EHF: variants seen among roughly 807,000 people sequenced by gnomAD.
The protein encoded by EHF is ETS homologous factor.
Under a neutral mutation model 45.1 loss-of-function variants are expected in EHF, and 14 were observed. That is an observed-to-expected ratio of 0.31 (90% CI 0.21 to 0.49). The LOEUF (loss-of-function observed/expected upper bound fraction) is 0.49, where lower values mean the gene tolerates loss of function less well. Ranked by LOEUF, EHF falls within the 20% of genes least tolerant of loss-of-function variation. The pLI is 0.99. For synonymous variants in EHF, 136 were observed against 131.8 expected (o/e 1.03, Z -0.22); for missense variants, 282 against 371.4 (o/e 0.76, Z 1.98).
intron 1 of EHF, among the ~76,000 whole-genome samples, chr11:34,626,410 C>T (rs953453515): frequency 2.0e-5 from 3 of 152,126 alleles, no homozygotes; most frequent in Non-Finnish European, 2.9e-5. Context: ...TTCTTAGGAA[C>T]CTTAAAAAAA....
chr11:34,651,489 T>C (rs894220343), intron 4 of EHF, 53 bp from the exon 5 acceptor site: 59 of 1,502,968 alleles, frequency 3.9e-5, no homozygotes, highest in Non-Finnish European at 5.0e-5. Flanking sequence ...ACGCAGCCTC[T>C]TCTCCCTGGG....
At position 34,642,723 on chromosome 11, in the gene EHF, C is replaced by T. The variant is rs1257936321; in HGVS notation, c.93C>T (p.Cys31=). The change falls in exon 2 of 9, where the codon TGC becomes TGT. Residue 31 remains cysteine (C), a synonymous_variant. Coordinates refer to ENST00000257831, the MANE Select transcript of EHF (RefSeq NM_012153.6). The stretch of plus-strand genomic sequence containing the variant: ...CCTGGACAGACAGCTACTCCACGTG[C>T]AATGGTAAGAGGGCCTGTGGGTGTT... ...PPAWTDSYST[C]NVSSGFFGGQ... The T allele has an allele frequency of 6.2e-7, 1 of 1,613,202 alleles. No individual in the cohort carries two copies. Among genetic ancestry groups the T allele is most frequent in the Non-Finnish European group, 8.5e-7 (1 of 1,179,334 alleles).
intron 1 of EHF, among the ~76,000 whole-genome samples, chr11:34,628,532 T>A (rs1393360043): frequency 1.3e-5 from 2 of 152,188 alleles, no homozygotes; most frequent in Non-Finnish European, 2.9e-5. Flanking sequence ...TTGATAGATG[T>A]TCTCTGCCAA....
At chr11:34,641,653 A>C (rs757962183) in intron 1 of EHF, among the ~76,000 whole-genome samples, 2 of 152,178 alleles carry the variant, frequency 1.3e-5, no homozygotes, top group Non-Finnish European at 2.9e-5. Context: ...GGTATTGCCC[A>C]ATAGCGATCT....
At chr11:34,655,402 G>A (rs1695393880) in intron 6 of EHF, among the ~76,000 whole-genome samples, 1 of 152,202 alleles carries the variant, frequency 6.6e-6, no homozygotes, top group African/African-American at 2.4e-5. Flanking sequence ...CATTACAGAA[G>A]TGAACCTGAT....
chr11:34,651,783 A>C lies in EHF; in HGVS notation c.522A>C (p.Thr174=). ...KTFCRAQISM[T]TTSHLPVAES... ...TCTGCCGGGCTCAGATCTCCATGAC[A>C]ACCACCAGTCACCTTCCTGTTGGTA... The change falls in exon 6 of 9, where the codon ACA becomes ACC. Residue 174 remains threonine (T), a synonymous_variant. Transcript: ENST00000257831. 1 of 1,613,932 alleles carries C rather than the reference A, an allele frequency of 6.2e-7. No individual in the cohort carries two copies. Among genetic ancestry groups the C allele is most frequent in the Non-Finnish European group, 8.5e-7 (1 of 1,179,886 alleles).
At position 34,648,959 on chromosome 11, in the gene EHF, A is replaced by C. The variant is rs1854862452; in HGVS notation, c.344-60A>C. 3 of 1,509,396 alleles carry C rather than the reference A, an allele frequency of 2.0e-6. No homozygotes were observed. The Admixed American group carries it at 5.1e-5, about 25-fold the overall frequency. 93.5% of individuals were successfully genotyped at this position (1,509,396 alleles called of 1,614,324 possible). A position where few individuals can be genotyped will look rare whatever the true frequency, so the allele number is the denominator to read the frequency against. On this transcript the variant is annotated intron_variant, in intron 3 of 8. Coordinates refer to ENST00000257831, the MANE Select transcript of EHF (RefSeq NM_012153.6). ...AAAGATGCCAGTTCTGTCCTTATTT[A>C]AGCATCCAGTTCTGGCTCCATCTGG...
intron 7 of EHF, among the ~76,000 whole-genome samples, chr11:34,657,245 G>T (rs543859184): frequency 2.5e-5 from 1 of 39,520 alleles, no homozygotes; most frequent in Non-Finnish European, 4.8e-5. Flanking sequence ...CTGCTTGCAG[G>T]CATGGGGTTG....
At chr11:34,645,917 C>T (rs1338655934) in intron 2 of EHF, among the ~76,000 whole-genome samples, 2 of 151,904 alleles carry the variant, frequency 1.3e-5, no homozygotes, top group Non-Finnish European at 2.9e-5. Context: ...GATATCAGTC[C>T]AGTTAGTAGA....
intron 1 of EHF, among the ~76,000 whole-genome samples, chr11:34,635,522 G>C (rs1443879816): frequency 1.5e-5 from 2 of 137,078 alleles, no homozygotes; most frequent in East Asian, 4.1e-4. Context: ...TGCGATCTCA[G>C]CTCACTGCAA....
rs1565052774 is a variant in EHF at position 34,661,175 on chromosome 11, A to G, written c.*2244A>G. The G allele has an allele frequency of 6.6e-6, 1 of 152,200 alleles. No homozygotes were observed. The highest frequency in any genetic ancestry group is 1.9e-4 in the East Asian group (1 of 5,202). 9.4% of individuals were successfully genotyped at this position (152,200 alleles called of 1,614,324 possible). A position where few individuals can be genotyped will look rare whatever the true frequency, so the allele number is the denominator to read the frequency against. ...GGGCCTTCCCAGCATTTGACTGTTC[A>G]TTGCATAGAATGAATTAAATATCCA... On this transcript the variant is annotated 3_prime_UTR_variant, in exon 9 of 9. Coordinates refer to ENST00000257831, the MANE Select transcript of EHF (RefSeq NM_012153.6).
At position 34,646,470 on chromosome 11, in the gene EHF, T is replaced by A. The variant is rs751078443; in HGVS notation, c.129T>A (p.His43Gln). The change falls in exon 3 of 9, where the codon CAT (histidine) becomes CAA (glutamine). Residue 43 changes from histidine (H) to glutamine (Q), a missense_variant. Physicochemically the swap from His to Gln is conservative, Grantham distance 24. This residue lies in a region of EHF where 213 missense variants were observed against 247.3 expected (regional missense o/e 0.86). Coordinates refer to ENST00000257831, the MANE Select transcript of EHF (RefSeq NM_012153.6). Reference sequence around the variant, plus strand: ...GTGGGTTTTTTGGAGGCCAGTGGCATGAAATTCATCCTCAGTACTGGACCA... The same window carrying A: ...GTGGGTTTTTTGGAGGCCAGTGGCAAGAAATTCATCCTCAGTACTGGACCA... ...VSSGFFGGQWHEIHPQYWTKY... is the reference protein window; with the variant it reads ...VSSGFFGGQWQEIHPQYWTKY... 6.2e-7 allele frequency: 1 copy of A among 1,614,066 alleles called. No homozygotes were observed. Among genetic ancestry groups the A allele is most frequent in the Admixed American group, 1.7e-5 (1 of 60,006 alleles).
At chr11:34,652,575 CT>C (rs1263245019) in intron 6 of EHF, among the ~76,000 whole-genome samples, 1 of 152,164 alleles carries the variant, frequency 6.6e-6, no homozygotes, top group East Asian at 1.9e-4. Flanking sequence ...TTCCCGTGAT[CT>C]GAGTATGAAC....
At chr11:34,646,187 T>C (rs913114072) in intron 2 of EHF, among the ~76,000 whole-genome samples, 7 of 151,998 alleles carry the variant, frequency 4.6e-5, no homozygotes, top group Non-Finnish European at 1.0e-4. Context: ...GCTTTCATGA[T>C]ATTTTACTTT....
chr11:34,648,981 C>A, intron 3 of EHF, 38 bp from the exon 4 acceptor site: 2 of 1,599,368 alleles, frequency 1.3e-6, no homozygotes, highest in Non-Finnish European at 1.7e-6. Context: ...CTGGCTCCAT[C>A]TGGGCCCTCT....
At chr11:34,654,529 T>C (rs1485312864) in intron 6 of EHF, among the ~76,000 whole-genome samples, 1 of 152,140 alleles carries the variant, frequency 6.6e-6, no homozygotes, top group Non-Finnish European at 1.5e-5. Flanking sequence ...CCCTTTATGA[T>C]GATGGAAAGA....
chr11:34,655,018 G>C (rs1056494145), intron 6 of EHF, among the ~76,000 whole-genome samples: 1 of 152,148 alleles, frequency 6.6e-6, no homozygotes, highest in Non-Finnish European at 1.5e-5. Context: ...TGGAAACCGG[G>C]GTGGATGCCA....
At chr11:34,656,623 C>T (rs1248560705) in intron 6 of EHF, among the ~76,000 whole-genome samples, 2 of 152,160 alleles carry the variant, frequency 1.3e-5, no homozygotes, top group East Asian at 1.9e-4. Flanking sequence ...ATGACCTTTT[C>T]CCTCATATCC....
At chr11:34,648,710 T>A (rs1854830101) in intron 3 of EHF, among the ~76,000 whole-genome samples, 1 of 152,202 alleles carries the variant, frequency 6.6e-6, no homozygotes, top group African/African-American at 2.4e-5. Context: ...TGCACACACC[T>A]TCCTCATAGC....
Sources: gnomAD v4.1 joint callset for allele counts (sites outside exome capture counted in the v4.1 genomes callset) on GRCh38, gnomAD v4.1.1 for gene constraint, gnomAD v4.1.1 regional missense constraint, MANE v1.5 for transcripts, NCBI Gene and HGNC (gene_info 2026-07-23, HGNC 2026-07-21) for gene names.